Variants in CCDC150 observed in about 807,000 individuals in gnomAD.
CCDC150 encodes coiled-coil domain containing 150, also known as coiled-coil domain-containing protein 150.
A neutral mutation model predicts 156.5 loss-of-function variants in CCDC150; 151 were observed. The ratio of observed to expected loss-of-function variants is 0.97; its 90% CI spans 0.85 to 1.10. The LOEUF (loss-of-function observed/expected upper bound fraction) is 1.10. Among genes scored for constraint, CCDC150 ranks in the 50% least tolerant of loss-of-function variants. CCDC150 has a pLI of 0.00. For missense variants in CCDC150, 1,312 were observed against 1,268.1 expected, an observed-to-expected ratio of 1.03 and a Z score of -0.53; for synonymous variants, 452 against 429.4, an observed-to-expected ratio of 1.05 and a Z score of -0.65.
chr2:196,713,942 C>G (rs1402675974), intron 17 of CCDC150, among the ~76,000 whole-genome samples: 1 of 151,978 alleles, frequency 6.6e-6, no homozygotes, highest in Non-Finnish European at 1.5e-5. Flanking sequence ...AAATTTCTAC[C>G]TAATCTTAAC....
intron 17 of CCDC150, among the ~76,000 whole-genome samples, chr2:196,715,123 A>G (rs1171627576): frequency 6.6e-6 from 1 of 152,110 alleles, no homozygotes; most frequent in African/African-American, 2.4e-5. Context: ...ATTTATCACA[A>G]CTTTGACCCT....
At chr2:196,666,098 ACAC>A (rs1693824493) in intron 6 of CCDC150, among the ~76,000 whole-genome samples, 1 of 152,228 alleles carries the variant, frequency 6.6e-6, no homozygotes, top group Non-Finnish European at 1.5e-5. Context: ...AAGCGATCTA[ACAC>A]TGGAAGCATA....
chr2:196,641,610 T>C (rs1018402277), intron 1 of CCDC150, among the ~76,000 whole-genome samples: 2 of 152,226 alleles, frequency 1.3e-5, no homozygotes, highest in East Asian at 1.9e-4. Context: ...TTAGTGTCTG[T>C]CTTCTTCAGC....
intron 2 of CCDC150, among the ~76,000 whole-genome samples, chr2:196,650,439 G>C (rs1283950698): frequency 6.6e-6 from 1 of 152,168 alleles, no homozygotes; most frequent in Non-Finnish European, 1.5e-5. Context: ...TGTCTCCCAG[G>C]TTGGAGTGCA....
chr2:196,705,401 G>A (rs1696549881), intron 15 of CCDC150, among the ~76,000 whole-genome samples: 1 of 151,766 alleles, frequency 6.6e-6, no homozygotes, highest in African/African-American at 2.4e-5. Flanking sequence ...TGATGGGGTT[G>A]TTTTCTTGTA....
chr2:196,719,017 C>T (rs1697716070), intron 18 of CCDC150, among the ~76,000 whole-genome samples: 1 of 152,168 alleles, frequency 6.6e-6, no homozygotes, highest in African/African-American at 2.4e-5. Context: ...GGTCACATCC[C>T]AAACTTCTCT....
chr2:196,698,086 T>C (rs975920269), intron 14 of CCDC150, among the ~76,000 whole-genome samples: 3 of 152,216 alleles, frequency 2.0e-5, no homozygotes, highest in Non-Finnish European at 4.4e-5. Flanking sequence ...TTAATTTCAG[T>C]TCACTCTTCT....
intron 2 of CCDC150, 104 bp downstream of exon 2, chr2:196,646,608 A>C: frequency 1.2e-6 from 1 of 829,400 alleles, no homozygotes; most frequent in Non-Finnish European, 1.9e-6. Flanking sequence ...AAAAGAACTG[A>C]GAAATAATTT....
At chr2:196,719,423 G>T (rs1394562431) in intron 18 of CCDC150, 74 bp from the exon 19 acceptor site, 3 of 1,231,754 alleles carry the variant, frequency 2.4e-6, no homozygotes, top group Non-Finnish European at 3.3e-6. Flanking sequence ...TCTTTCCTGG[G>T]AGTAATGAGA....
At chr2:196,668,530 A>G (rs1266342247) in intron 7 of CCDC150, among the ~76,000 whole-genome samples, 1 of 152,200 alleles carries the variant, frequency 6.6e-6, no homozygotes, top group African/African-American at 2.4e-5. Flanking sequence ...TCAAACTGAC[A>G]TGAGGAAAAG....
intron 24 of CCDC150, 46 bp downstream of exon 24, chr2:196,729,907 T>C (rs1247943845): frequency 1.9e-6 from 3 of 1,605,144 alleles, no homozygotes; most frequent in East Asian, 4.5e-5. Context: ...ATGCAAAATC[T>C]CAAACTTGGA....
At chr2:196,688,561 C>T (rs939773528) in intron 13 of CCDC150, among the ~76,000 whole-genome samples, 9 of 152,146 alleles carry the variant, frequency 5.9e-5, no homozygotes, top group African/African-American at 2.2e-4. Flanking sequence ...AGTGTCTGTT[C>T]ATGTCCTTCG....
rs775349764 is a variant in CCDC150, at chr2:196,718,590, A to G, written c.1954A>G (p.Lys652Glu). ...GGCCCTGAAAGAGAGTCAGAAGTTG[A>G]AAGAAGACCTCGAGGCTGTGGAGGA... Reference protein sequence around the residue: ...NAALKESQKLKEDLEAVEDRE... With the variant: ...NAALKESQKLEEDLEAVEDRE... The change falls in exon 18 of 28, where the codon AAA becomes GAA. Residue 652 changes from lysine to glutamate, a missense_variant. Transcript: ENST00000389175. 1.2e-6 allele frequency: 2 copies of G among 1,613,746 alleles called. No homozygotes were observed. The highest frequency in any genetic ancestry group is 1.7e-6 in the Non-Finnish European group (2 of 1,179,816).
rs1697821791 is a variant in CCDC150, at chr2:196,720,572, T to C, written c.2166-3T>C. The C allele has an allele frequency of 1.2e-6, 2 of 1,612,652 alleles. No homozygotes were observed. The highest frequency in any genetic ancestry group is 1.7e-6 in the Non-Finnish European group (2 of 1,179,072). On this transcript the variant is annotated splice_polypyrimidine_tract_variant and splice_region_variant and intron_variant, in intron 19 of 27. Transcript: ENST00000389175. Reference sequence around the variant, plus strand: ...TCACTCTTTTTGTGCTTTTTATTTTTAGGGATCTCAATCAACAGAGGGTGC... The same window carrying C: ...TCACTCTTTTTGTGCTTTTTATTTTCAGGGATCTCAATCAACAGAGGGTGC...
chr2:196,716,888 G>C (rs868260254), intron 17 of CCDC150, among the ~76,000 whole-genome samples: 4 of 118,108 alleles, frequency 3.4e-5, no homozygotes, highest in Admixed American at 1.2e-4. Flanking sequence ...AGAGAGTCTC[G>C]CTGTGTCGCC....
chr2:196,672,492 A>C (rs1694262948), intron 9 of CCDC150, 55 bp downstream of exon 9: 1 of 955,374 alleles, frequency 1.0e-6, no homozygotes, highest in East Asian at 3.2e-5. Flanking sequence ...TGTTCAATTA[A>C]ATAACCAAGA....
chr2:196,665,919 G>A (rs1232111799), intron 6 of CCDC150, among the ~76,000 whole-genome samples: 1 of 152,056 alleles, frequency 6.6e-6, no homozygotes, highest in African/African-American at 2.4e-5. Flanking sequence ...CTAAGGACTA[G>A]AGAGGTTAAT....
chr2:196,678,833 T>C (rs561959106), intron 13 of CCDC150, among the ~76,000 whole-genome samples: 10 of 152,180 alleles, frequency 6.6e-5, no homozygotes, highest in Non-Finnish European at 1.3e-4. Context: ...TTGAACCTCG[T>C]AGGTGGAGGT....
At chr2:196,724,906 T>A (rs1387524279) in intron 21 of CCDC150, among the ~76,000 whole-genome samples, 1 of 152,182 alleles carries the variant, frequency 6.6e-6, no homozygotes, top group Non-Finnish European at 1.5e-5. Context: ...TCCATCCCTT[T>A]ATGCTGTGCC....
Sources: gnomAD v4.1 joint callset for allele counts (sites outside exome capture counted in the v4.1 genomes callset) on GRCh38, gnomAD v4.1.1 for gene constraint, MANE v1.5 for transcripts, NCBI Gene and HGNC (gene_info 2026-07-23, HGNC 2026-07-21) for gene names.